Variants in MTSS1 observed in about 807,000 individuals in gnomAD.
MTSS1 encodes the protein protein MTSS 1.
In MTSS1, 18 loss-of-function variants were observed where a neutral mutation model predicts 79.0. The ratio of observed to expected loss-of-function variants is 0.23; its 90% confidence interval spans 0.16 to 0.34. MTSS1 has a LOEUF of 0.34. Among genes scored for constraint, MTSS1 ranks in the 10% least tolerant of loss-of-function variants. The pLI is 1.00. For synonymous variants in MTSS1, 341 were observed against 368.6 expected, an observed-to-expected ratio of 0.93 and a Z score of 0.86; for missense variants, 815 against 986.2, an observed-to-expected ratio of 0.83 and a Z score of 2.33.
intron 3 of MTSS1, among the ~76,000 whole-genome samples, chr8:124,643,275 C>T (rs1818393944): frequency 1.3e-5 from 2 of 152,124 alleles, no homozygotes; most frequent in Non-Finnish European, 2.9e-5. Context: ...TCTGCAGCAT[C>T]ATTTAGAATA....
intron 3 of MTSS1, among the ~76,000 whole-genome samples, chr8:124,636,626 T>C (rs59626321): frequency 0.028 from 4,272 of 152,270 alleles, 173 homozygotes; most frequent in African/African-American, 0.097. Context: ...CATTTATCTA[T>C]GATCACTGAG....
In MTSS1 at chr8:124,589,602, G is replaced by C. The variant is rs573064051; in HGVS notation, c.385+18C>G. ...CCCCCCAGCGTGCAGTGATGCGCTA[G>C]ACATCTCGCCCCTGTACCTTTTGCG... On this transcript the variant is annotated intron_variant, in intron 5 of 13. Coordinates refer to ENST00000518547, the MANE Select transcript of MTSS1 (RefSeq NM_014751.6). The C allele has an allele frequency of 6.2e-7, 1 of 1,601,098 alleles. No homozygotes were observed. The highest frequency in any genetic ancestry group is 1.3e-5 in the African/African-American group (1 of 74,432).
chr8:124,697,886 G>A (rs1028201981), intron 3 of MTSS1, among the ~76,000 whole-genome samples: 2 of 152,090 alleles, frequency 1.3e-5, no homozygotes, highest in African/African-American at 4.8e-5. Context: ...ATTCTCCAAG[G>A]GAATGCTGTA....
rs778187581 is a variant in MTSS1 at position 124,727,987 on chromosome 8, C to A, written c.-32G>T. The A allele has an allele frequency of 1.3e-6, 2 of 1,598,494 alleles. No individual in the cohort carries two copies. The highest frequency in any genetic ancestry group is 1.7e-5 in the Admixed American group (1 of 58,898). On this transcript the variant is annotated 5_prime_UTR_variant, in exon 1 of 14. Transcript: ENST00000518547. This position sits in a 1 kb window ranked among gnomAD's most constrained non-coding sequence, Gnocchi z 4.7. ...GGCTCCGGCAGGGCGAGGGCACACA[C>A]GCGGGGCCGCTGGACTGCGCGCGGG...
chr8:124,614,675 G>C (rs1836513323), intron 3 of MTSS1, among the ~76,000 whole-genome samples: 1 of 152,230 alleles, frequency 6.6e-6, no homozygotes, highest in African/African-American at 2.4e-5. Context: ...ACCCGCATCA[G>C]ATGCTACTGA....
At chr8:124,682,149 T>C (rs1366233187) in intron 3 of MTSS1, among the ~76,000 whole-genome samples, 1 of 152,234 alleles carries the variant, frequency 6.6e-6, no homozygotes, top group Non-Finnish European at 1.5e-5. Context: ...TTCTTAACTC[T>C]AACAACAGGG....
At chr8:124,594,403 T>A (rs776634863) in intron 3 of MTSS1, among the ~76,000 whole-genome samples, 1 of 152,176 alleles carries the variant, frequency 6.6e-6, no homozygotes, top group African/African-American at 2.4e-5. Context: ...TGGTGGCACA[T>A]GCTTGTAATC....
chr8:124,568,341 C>T (rs769144838), intron 7 of MTSS1, 38 bp downstream of exon 7: 15 of 1,595,608 alleles, frequency 9.4e-6, no homozygotes, highest in Middle Eastern at 1.7e-4. Context: ...ACCTCTACAC[C>T]AGCAGTTTAA....
chr8:124,593,213 C>T (rs1210449727), intron 3 of MTSS1, among the ~76,000 whole-genome samples: 1 of 152,174 alleles, frequency 6.6e-6, no homozygotes. Context: ...CGTTTTATTC[C>T]CCGGGAAATA....
chr8:124,607,569 A>G (rs1316778697), intron 3 of MTSS1, among the ~76,000 whole-genome samples: 34 of 152,224 alleles, frequency 2.2e-4, no homozygotes, highest in Admixed American at 2.2e-3. Flanking sequence ...AGGCTTGCGC[A>G]GGAGAGAAAG....
At chr8:124,605,962 CAT>C (rs1491282758) in intron 3 of MTSS1, among the ~76,000 whole-genome samples, 5 of 127,690 alleles carry the variant, frequency 3.9e-5, no homozygotes, top group African/African-American at 1.6e-4. Flanking sequence ...GTAGGTATCT[CAT>C]TTTTTTTTTT....
At chr8:124,556,435 G>T in intron 11 of MTSS1, 30 bp from the exon 12 acceptor site, 1 of 1,579,690 alleles carries the variant, frequency 6.3e-7, no homozygotes. Flanking sequence ...TCAGGAGCCA[G>T]GGCCTCTGCC....
chr8:124,648,780 A>G (rs73343952), intron 3 of MTSS1, among the ~76,000 whole-genome samples: 24,745 of 151,492 alleles, frequency 0.16, 3,762 homozygotes, highest in African/African-American at 0.41. Context: ...ATCCAAGGCC[A>G]TGGGGACTGC....
chr8:124,579,341 G>C (rs1319092156), intron 6 of MTSS1, among the ~76,000 whole-genome samples: 2 of 152,190 alleles, frequency 1.3e-5, no homozygotes, highest in African/African-American at 4.8e-5. Context: ...TGGTTGTCAG[G>C]GTCAGCGTGG....
At position 124,683,408 on chromosome 8, in the gene MTSS1, GATATGTACACATATATACAGAT is replaced by G. The variant is rs1481562622; in HGVS notation, c.208+16096_208+16117del. ...AGATATATACGTATATACACATATA[GATATGTACACATATATACAGAT>G]ATATGTACATGCAAGGATCCAAACC... On this transcript the variant is annotated intron_variant, in intron 3 of 13. Coordinates refer to ENST00000518547, the MANE Select transcript of MTSS1 (RefSeq NM_014751.6). The surrounding 1 kb of genome is among the most constrained non-coding windows in gnomAD (Gnocchi z 4.5). Among the ~76,000 whole-genome samples, 1 of 152,084 alleles carries G rather than the reference GATATGTACACATATATACAGAT, an allele frequency of 6.6e-6. No individual in the cohort carries two copies. Among genetic ancestry groups the G allele is most frequent in the Non-Finnish European group, 1.5e-5 (1 of 68,030 alleles).
Position 124,565,686 on chromosome 8 carries a change from A to G in MTSS1, c.800T>C (p.Met267Thr), listed in dbSNP as rs913749061. The G allele has an allele frequency of 9.3e-6, 15 of 1,614,036 alleles. No homozygotes were observed. Among genetic ancestry groups the G allele is most frequent in the African/African-American group, 1.3e-5 (1 of 74,914 alleles). Reference protein sequence around the residue: ...QTPPSSPSTTMSRKSSVCSSL... With the variant: ...QTPPSSPSTTTSRKSSVCSSL... ...CCTGCAGACACTGGACTTTCTGGAC[A>G]TGGTGGTGCTGGGGGAAGAGGGTGG... The change falls in exon 9 of 14, where the codon ATG (methionine) becomes ACG (threonine). Residue 267 changes from methionine to threonine, a missense_variant. Met to Thr is a moderately conservative substitution (Grantham distance 81). Around this residue, in one of 2 missense-constraint regions of MTSS1, gnomAD observed 225 missense variants for 365.4 expected, o/e 0.62. Coordinates refer to ENST00000518547, the MANE Select transcript of MTSS1 (RefSeq NM_014751.6).
At chr8:124,664,644 G>A (rs1822715959) in intron 3 of MTSS1, among the ~76,000 whole-genome samples, 1 of 152,186 alleles carries the variant, frequency 6.6e-6, no homozygotes, top group Non-Finnish European at 1.5e-5. Context: ...CAGGGCTCTT[G>A]TGTGTCAGGA....
intron 6 of MTSS1, among the ~76,000 whole-genome samples, chr8:124,574,190 C>G (rs1050868149): frequency 6.6e-6 from 1 of 152,166 alleles, no homozygotes; most frequent in African/African-American, 2.4e-5. Flanking sequence ...AGTGATCTGC[C>G]TGCCTCGGCC....
At chr8:124,556,516 C>T in intron 11 of MTSS1, 111 bp from the exon 12 acceptor site, 2 of 1,240,652 alleles carry the variant, frequency 1.6e-6, no homozygotes, top group Non-Finnish European at 1.1e-6. Context: ...TAAGGGGAAC[C>T]TCCGGCTGGG....
Sources: gnomAD v4.1 joint callset for allele counts (sites outside exome capture counted in the v4.1 genomes callset) on GRCh38, gnomAD v4.1.1 for gene constraint, gnomAD v4.1.1 regional missense constraint, Gnocchi (gnomAD v3.1) non-coding constraint, MANE v1.5 for transcripts, NCBI Gene and HGNC (gene_info 2026-07-23, HGNC 2026-07-21) for gene names.